Variants in DNAH14 observed in about 807,000 individuals in gnomAD.
The protein encoded by DNAH14 is axonemal beta dynein heavy chain 14.
In DNAH14, 478 loss-of-function variants were observed where a neutral mutation model predicts 520.9. The ratio of observed to expected loss-of-function variants is 0.92; its 90% CI spans 0.85 to 0.99. The LOEUF is 0.99. Among genes scored for constraint, DNAH14 ranks in the 50% least tolerant of loss-of-function variants. The probability of loss-of-function intolerance (pLI) is 0.00; values close to 1 mark genes in which losing one functional copy is unlikely to be tolerated. For synonymous variants in DNAH14, 1,581 were observed against 1,757.2 expected, an observed-to-expected ratio of 0.90 and a Z score of 2.51; for missense variants, 4,831 against 5,234.5, an observed-to-expected ratio of 0.92 and a Z score of 2.38.
chr1:225,299,859 T>C (rs905968469), intron 55 of DNAH14, among the ~76,000 whole-genome samples: 4 of 152,190 alleles, frequency 2.6e-5, no homozygotes, highest in Non-Finnish European at 5.9e-5. Flanking sequence ...GTTAGCCCTG[T>C]GTCACCTCTG....
Position 225,109,032 on chromosome 1 carries a change from C to T in DNAH14, c.3867+8148C>T, listed in dbSNP as rs546872684. ...CAAAAATGAGTTCACTGTAGATGTA[C>T]GGATTCGTTTCTGGATTTCTCATTC... On this transcript the variant is annotated intron_variant, in intron 23 of 85. Transcript: ENST00000682510. Among the ~76,000 whole-genome samples the T allele has an allele frequency of 1.7e-4, 26 of 152,140 alleles. No individual in the cohort carries two copies. In the South Asian group the frequency reaches 5.0e-3, roughly 29 times the overall value.
At chr1:224,950,432 A>T (rs999917980) in intron 1 of DNAH14, among the ~76,000 whole-genome samples, 2 of 152,060 alleles carry the variant, frequency 1.3e-5, no homozygotes, top group African/African-American at 4.8e-5. Context: ...TATTCTTTTT[A>T]TTTCCCTTAG....
intron 3 of DNAH14, among the ~76,000 whole-genome samples, chr1:224,955,794 C>G (rs561580658): frequency 6.6e-6 from 1 of 152,074 alleles, no homozygotes; most frequent in Non-Finnish European, 1.5e-5. Context: ...CTCTTTTTGT[C>G]AGCACATAAA....
chr1:224,959,599 G>C (rs2060721064), intron 3 of DNAH14, among the ~76,000 whole-genome samples: 1 of 152,022 alleles, frequency 6.6e-6, no homozygotes, highest in Non-Finnish European at 1.5e-5. Context: ...TATGTGTTAA[G>C]TCTACCAATT....
chr1:225,313,568 G>A (rs566786050), intron 60 of DNAH14, among the ~76,000 whole-genome samples: 77 of 152,294 alleles, frequency 5.1e-4, no homozygotes, highest in African/African-American at 1.6e-3. Flanking sequence ...GCTTTCTCCT[G>A]TGGGCATTTA....
At chr1:225,391,125 G>A (rs945691196) in intron 83 of DNAH14, among the ~76,000 whole-genome samples, 5 of 152,198 alleles carry the variant, frequency 3.3e-5, no homozygotes, top group African/African-American at 4.8e-5. Flanking sequence ...GAATGATGCC[G>A]CTGCAAAGTT....
intron 72 of DNAH14, 135 bp downstream of exon 72, chr1:225,352,018 C>T: frequency 7.5e-6 from 5 of 662,540 alleles, no homozygotes; most frequent in Non-Finnish European, 1.3e-5. Flanking sequence ...TTTCAGCATG[C>T]ACATGTTATT....
At chr1:225,047,099 C>G (rs1316493154) in intron 15 of DNAH14, among the ~76,000 whole-genome samples, 1 of 152,144 alleles carries the variant, frequency 6.6e-6, no homozygotes, top group Non-Finnish European at 1.5e-5. Flanking sequence ...CCTGGCCTAC[C>G]AGAGAAAATA....
At chr1:225,170,700 G>A (rs1409520103) in intron 36 of DNAH14, among the ~76,000 whole-genome samples, 1 of 152,052 alleles carries the variant, frequency 6.6e-6, no homozygotes, top group Non-Finnish European at 1.5e-5. Flanking sequence ...GTCAACATTC[G>A]ACAGATCAAT....
chr1:225,041,682 A>G (rs1244518431), intron 12 of DNAH14, among the ~76,000 whole-genome samples: 1 of 152,218 alleles, frequency 6.6e-6, no homozygotes, highest in Non-Finnish European at 1.5e-5. Context: ...CTTGTTTACT[A>G]TAGTGATACT....
intron 6 of DNAH14, chr1:224,967,835 G>A: frequency 7.7e-7 from 1 of 1,306,662 alleles, no homozygotes; most frequent in South Asian, 2.6e-5. Context: ...TAATACTTGG[G>A]GTAAATTTTT....
chr1:225,059,664 C>A (rs1310235704), intron 17 of DNAH14, among the ~76,000 whole-genome samples: 3,336 of 146,284 alleles, frequency 0.023, no homozygotes, highest in African/African-American at 0.08. Context: ...GTGGCTGGTA[C>A]CAGTTGTTCC....
intron 1 of DNAH14, among the ~76,000 whole-genome samples, chr1:224,951,135 C>G (rs1189443401): frequency 6.6e-6 from 1 of 152,134 alleles, no homozygotes; most frequent in Non-Finnish European, 1.5e-5. Context: ...TAGCGATTTG[C>G]CTGCCTCAGT....
At position 225,335,259 on chromosome 1, in the gene DNAH14, CAT is replaced by C. The variant is rs1259212559; in HGVS notation, c.10080+1757_10080+1758del. On this transcript the variant is annotated intron_variant, in intron 66 of 85. Transcript: ENST00000682510. ...CATGTGTACATTGTGTGTATATGCA[CAT>C]ATACACGTGTACATTGTGTGTATAT... Among the ~76,000 whole-genome samples, 3 of 130,104 alleles carry C rather than the reference CAT, an allele frequency of 2.3e-5. 1 individual carries two copies. The highest frequency in any genetic ancestry group is 4.9e-5 in the Non-Finnish European group (3 of 61,384). The allele number at this position is 130,104 out of a possible 152,430, so 85.4% of individuals were successfully genotyped here.
chr1:225,050,613 A>G (rs2068446223), intron 16 of DNAH14, among the ~76,000 whole-genome samples: 1 of 152,198 alleles, frequency 6.6e-6, no homozygotes. Context: ...CTCATAACGT[A>G]GGCTCGTCAG....
chr1:225,267,436 G>A (rs955068218), intron 49 of DNAH14, among the ~76,000 whole-genome samples: 4 of 151,784 alleles, frequency 2.6e-5, no homozygotes. Context: ...TGGGACTACA[G>A]GCGCCCACCA....
Position 225,023,778 on chromosome 1 carries a change from A to G in DNAH14, c.1271A>G (p.Asn424Ser), listed in dbSNP as rs376817319. The G allele has an allele frequency of 1.2e-5, 18 of 1,550,734 alleles. No homozygotes were observed. The African/African-American group carries it at 2.1e-4, about 18-fold the overall frequency. Residue 424 changes from asparagine (N) to serine (S), a missense_variant, in exon 11 of 86, where the codon AAC (asparagine) becomes AGC (serine). Asn to Ser is a conservative substitution (Grantham distance 46). Coordinates refer to ENST00000682510, the MANE Select transcript of DNAH14 (RefSeq NM_001367479.1). ...CAGGAACTCATTCGTCAACTTATGA[A>G]CACTGCAGTCACACTACTTTTGGAA... ...IFQELIRQLM[N>S]TAVTLLLELF...
chr1:225,016,012 A>G (rs1191642472), intron 10 of DNAH14, among the ~76,000 whole-genome samples: 3 of 152,200 alleles, frequency 2.0e-5, no homozygotes, highest in Admixed American at 6.5e-5. Flanking sequence ...TTTTGGCATG[A>G]TGTCCACTCA....
chr1:225,159,485 G>C lies in DNAH14; in HGVS notation c.5445G>C (p.Glu1815Asp), dbSNP rs772419260. 8.5e-5 allele frequency: 129 copies of C among 1,515,494 alleles called. No homozygotes were observed. Among genetic ancestry groups the C allele is most frequent in the Non-Finnish European group, 1.1e-4 (119 of 1,132,660 alleles). The allele number at this position is 1,515,494 out of a possible 1,614,324, so 93.9% of individuals were successfully genotyped here. The change falls in exon 35 of 86, where the codon GAG (glutamate) becomes GAC (aspartate). Residue 1815 changes from glutamate (E) to aspartate (D), a missense_variant and splice_region_variant. Physicochemically the swap from Glu to Asp is conservative, Grantham distance 45. Coordinates refer to ENST00000682510, the MANE Select transcript of DNAH14 (RefSeq NM_001367479.1). ...TVLKVNQLALEKVIYTATQQL... is the reference protein window; with the variant it reads ...TVLKVNQLALDKVIYTATQQL... ...TGAAAGTAAATCAACTTGCCTTGGA[G>C]GTAAAAAGACCTTTGAAAATCATCA...
Sources: gnomAD v4.1 joint callset for allele counts (sites outside exome capture counted in the v4.1 genomes callset) on GRCh38, gnomAD v4.1.1 for gene constraint, MANE v1.5 for transcripts, NCBI Gene and HGNC (gene_info 2026-07-23, HGNC 2026-07-21) for gene names.